Variants in TAMM41 observed in about 807,000 individuals in gnomAD.
The protein encoded by TAMM41 is TAM41 mitochondrial translocator assembly and maintenance homolog, also known as phosphatidate cytidylyltransferase, mitochondrial.
TAMM41 carries 36 observed loss-of-function variants against 44.1 expected under a neutral mutation model. The observed-to-expected ratio is 0.82, with a 90% CI of 0.63 to 1.08. TAMM41 has a LOEUF of 1.08. Among genes scored for constraint, TAMM41 ranks in the 50% least tolerant of loss-of-function variants. The pLI, the probability that TAMM41 is intolerant of heterozygous loss-of-function variation, is 0.00. For synonymous variants in TAMM41, 164 were observed against 153.1 expected (o/e 1.07, Z -0.53); for missense variants, 417 against 404.3 (o/e 1.03, Z -0.27).
the TAMM41 span, among the ~76,000 whole-genome samples, chr3:11,734,918 G>A: frequency 0.012 from 1,774 of 151,042 alleles, 19 homozygotes; most frequent in Middle Eastern, 0.021. Context: ...GTGTGGTGGC[G>A]GGCGCCTGTC....
the TAMM41 span, among the ~76,000 whole-genome samples, chr3:11,767,625 C>CTTTTTTTTTTTTTTT: frequency 1.1e-4 from 3 of 27,910 alleles, no homozygotes; most frequent in Non-Finnish European, 1.6e-4. Flanking sequence ...ACACGTTGTG[C>CTTTTTTTTTTTTTTT]ATTTTTTTTT....
intron 2 of TAMM41, among the ~76,000 whole-genome samples, chr3:11,840,972 C>A (rs2125063099): frequency 6.6e-6 from 1 of 151,806 alleles, no homozygotes. Flanking sequence ...TTCTCTTTTG[C>A]TACTGACTAT....
chr3:11,828,333 A>C (rs1051445716), intron 4 of TAMM41, among the ~76,000 whole-genome samples: 1 of 152,232 alleles, frequency 6.6e-6, no homozygotes, highest in African/African-American at 2.4e-5. Context: ...AGGTGAAAGC[A>C]GCTATGTCAT....
At chr3:11,771,345 A>AAGGCCCTGGGTTTG in the TAMM41 span, 3 of 152,216 alleles carry the variant, frequency 2.0e-5, no homozygotes, top group Non-Finnish European at 4.4e-5. Flanking sequence ...GCGTTTTAGA[A>AAGGCCCTGGGTTTG]AGGCCCTGGG....
At chr3:11,748,054 T>C in the TAMM41 span, among the ~76,000 whole-genome samples, 2 of 151,602 alleles carry the variant, frequency 1.3e-5, no homozygotes, top group African/African-American at 4.8e-5. Context: ...TTTGTATTTT[T>C]TGTAGAGATA....
rs34657936 is a variant in TAMM41, at chr3:11,823,660, CT to C, written c.562+6053del. On this transcript the variant is annotated intron_variant, in intron 4 of 7. Coordinates refer to ENST00000455809, the MANE Select transcript of TAMM41 (RefSeq NM_001284401.2). Reference sequence around the variant, plus strand: ...TTCCATTTTGTTAGCTGCCTTTTTACTTTTTTTTTTTTTTTTTTTAGACAGA... The same window carrying C: ...TTCCATTTTGTTAGCTGCCTTTTTACTTTTTTTTTTTTTTTTTTAGACAGA... Among the ~76,000 whole-genome samples, 617 of 122,370 alleles carry C rather than the reference CT, an allele frequency of 5.0e-3. 3 individuals are homozygous for C. Among genetic ancestry groups the C allele is most frequent in the Middle Eastern group, 0.014 (3 of 208 alleles). The allele number at this position is 122,370 out of a possible 152,430, so 80.3% of individuals were successfully genotyped here. A position where few individuals can be genotyped will look rare whatever the true frequency, so the allele number is the denominator to read the frequency against.
At chr3:11,837,235 G>A (rs867363813) in intron 3 of TAMM41, among the ~76,000 whole-genome samples, 5 of 152,088 alleles carry the variant, frequency 3.3e-5, no homozygotes, top group Admixed American at 2.0e-4. Context: ...CATCACTGTT[G>A]GGGGAGACAC....
intron 3 of TAMM41, among the ~76,000 whole-genome samples, chr3:11,837,295 C>T (rs2079222553): frequency 1.3e-5 from 2 of 152,000 alleles, no homozygotes; most frequent in Admixed American, 6.6e-5. Flanking sequence ...CTCTCACGCA[C>T]AGTGAAAATC....
At chr3:11,755,892 T>C in the TAMM41 span, among the ~76,000 whole-genome samples, 1 of 152,228 alleles carries the variant, frequency 6.6e-6, no homozygotes, top group African/African-American at 2.4e-5. Context: ...TCCTGCCTGC[T>C]GTCTGTTCGT....
At chr3:11,804,996 C>CTTTTTT in intron 7 of TAMM41, among the ~76,000 whole-genome samples, 1 of 103,084 alleles carries the variant, frequency 9.7e-6, no homozygotes, top group Non-Finnish European at 1.9e-5. Context: ...ACGCCCAGCC[C>CTTTTTT]TTTTTTTTTT....
chr3:11,842,789 C>T (rs1295392580), intron 2 of TAMM41, among the ~76,000 whole-genome samples: 3 of 152,132 alleles, frequency 2.0e-5, no homozygotes, highest in Admixed American at 1.3e-4. Context: ...CCAGGTGGCT[C>T]GATGCCGGCC....
chr3:11,792,326 C>G (rs1268065570), intron 7 of TAMM41, among the ~76,000 whole-genome samples: 1 of 152,198 alleles, frequency 6.6e-6, no homozygotes, highest in Non-Finnish European at 1.5e-5. Flanking sequence ...GACCTGGACT[C>G]TAGTTCCAGG....
intron 4 of TAMM41, among the ~76,000 whole-genome samples, chr3:11,828,151 T>A (rs1454886946): frequency 6.6e-6 from 1 of 152,154 alleles, no homozygotes; most frequent in Non-Finnish European, 1.5e-5. Flanking sequence ...CCTACAAAAG[T>A]CAGGAGGAAA....
chr3:11,751,258 A>G, the TAMM41 span, among the ~76,000 whole-genome samples: 2 of 151,744 alleles, frequency 1.3e-5, no homozygotes, highest in African/African-American at 4.8e-5. Flanking sequence ...CACCTGGCTA[A>G]TTTTTGTATT....
At chr3:11,733,489 G>A in the TAMM41 span, among the ~76,000 whole-genome samples, 1 of 151,124 alleles carries the variant, frequency 6.6e-6, no homozygotes, top group Non-Finnish European at 1.5e-5. Flanking sequence ...GTTTGGGGGT[G>A]TCCTGAGATT....
At chr3:11,740,532 T>C in the TAMM41 span, among the ~76,000 whole-genome samples, 1 of 152,216 alleles carries the variant, frequency 6.6e-6, no homozygotes, top group Non-Finnish European at 1.5e-5. Context: ...TGCATGTGTG[T>C]GTCCTAGTCC....
the TAMM41 span, among the ~76,000 whole-genome samples, chr3:11,759,529 C>G: frequency 6.6e-6 from 1 of 152,056 alleles, no homozygotes; most frequent in Non-Finnish European, 1.5e-5. Context: ...ATAAAGACAC[C>G]TGGCTTCCAC....
the TAMM41 span, among the ~76,000 whole-genome samples, chr3:11,785,011 G>C: frequency 2.0e-5 from 3 of 152,030 alleles, no homozygotes; most frequent in African/African-American, 4.8e-5. Context: ...GCTGCATCAC[G>C]TTGGGTGGAA....
chr3:11,784,581 C>G, the TAMM41 span, among the ~76,000 whole-genome samples: 4 of 152,168 alleles, frequency 2.6e-5, no homozygotes, highest in South Asian at 2.1e-4. Flanking sequence ...TACTCACGGA[C>G]AGGCACACGG....
Sources: gnomAD v4.1 joint callset for allele counts (sites outside exome capture counted in the v4.1 genomes callset) on GRCh38, gnomAD v4.1.1 for gene constraint, MANE v1.5 for transcripts, NCBI Gene and HGNC (gene_info 2026-07-23, HGNC 2026-07-21) for gene names.